Variants in CCDC122 observed in about 807,000 individuals in gnomAD.
The protein encoded by CCDC122 is coiled-coil domain-containing protein 122.
CCDC122 carries 38 observed loss-of-function variants against 37.0 expected under a neutral mutation model. The ratio of observed to expected loss-of-function variants is 1.03; its 90% confidence interval spans 0.79 to 1.35. The LOEUF (loss-of-function observed/expected upper bound fraction) is 1.35. CCDC122 is among the 40% of genes most tolerant of loss of function. The pLI is 0.00. For missense variants in CCDC122, 305 were observed against 310.0 expected (o/e 0.98, Z 0.12); for synonymous variants, 83 against 95.6 (o/e 0.87, Z 0.77).
At chr13:43,823,793 G>A (rs1216871363), downstream of CCDC122, 2 of 152,382 alleles carry the variant, frequency 1.3e-5, no homozygotes, top group Non-Finnish European at 2.9e-5. Context: ...TTCTCTCTCT[G>A]AGCCCCCAGT....
chr13:43,876,484 C>T (rs1045014612), intron 1 of CCDC122, among the ~76,000 whole-genome samples: 8 of 151,942 alleles, frequency 5.3e-5, no homozygotes, highest in Admixed American at 3.3e-4. Context: ...AATGGAGAGG[C>T]GCAGCAGCTT....
At chr13:43,866,102 A>T (rs181444734) in intron 4 of CCDC122, among the ~76,000 whole-genome samples, 40 of 152,322 alleles carry the variant, frequency 2.6e-4, no homozygotes, top group African/African-American at 9.1e-4. Flanking sequence ...CTCACATCCC[A>T]GGCAGGATGG....
At chr13:43,863,539 A>G (rs1369922944) in intron 4 of CCDC122, among the ~76,000 whole-genome samples, 1 of 152,206 alleles carries the variant, frequency 6.6e-6, no homozygotes, top group African/African-American at 2.4e-5. Flanking sequence ...TTAACTTTTC[A>G]AGAAAGTATA....
At chr13:43,857,275 G>A (rs1953946433) in intron 6 of CCDC122, among the ~76,000 whole-genome samples, 1 of 151,998 alleles carries the variant, frequency 6.6e-6, no homozygotes, top group Non-Finnish European at 1.5e-5. Flanking sequence ...ATCTAGAATG[G>A]AGTCTTGTTC....
Position 43,868,703 on chromosome 13 carries a change from G to A in CCDC122, c.147C>T (p.Phe49=). ...SEIEKNKKVL[F]NLKNELHELE... is the part of the protein sequence containing the mutation. ...TATATAAAGAAGTTACCTTCAAATT[G>A]AACAGAACCTTTTTGTTTTTTTCTA... Residue 49 remains phenylalanine, a synonymous_variant, in exon 4 of 7, where the codon TTC becomes TTT. Transcript: ENST00000444614. 1 of 1,543,210 alleles carries A rather than the reference G, an allele frequency of 6.5e-7. No individual in the cohort carries two copies. The highest frequency in any genetic ancestry group is 1.4e-5 in the African/African-American group (1 of 72,538).
chr13:43,822,235 G>A (rs925426994), downstream of CCDC122, among the ~76,000 whole-genome samples: 4 of 152,184 alleles, frequency 2.6e-5, no homozygotes, highest in Non-Finnish European at 4.4e-5. Flanking sequence ...TCTTGCATAC[G>A]ATCTGGAAGA....
chr13:43,872,177 A>G (rs925353720), intron 2 of CCDC122, among the ~76,000 whole-genome samples: 4 of 151,910 alleles, frequency 2.6e-5, no homozygotes, highest in African/African-American at 9.7e-5. Context: ...TAACCCCGCA[A>G]GACTTCCAAT....
downstream of CCDC122, among the ~76,000 whole-genome samples, chr13:43,822,085 C>T (rs1254890184): frequency 1.3e-5 from 2 of 152,136 alleles, no homozygotes; most frequent in Non-Finnish European, 2.9e-5. Context: ...AAGAGTTAGG[C>T]ATTTATTGTT....
intron 6 of CCDC122, among the ~76,000 whole-genome samples, chr13:43,844,907 T>C (rs930138253): frequency 1.3e-5 from 2 of 152,174 alleles, no homozygotes; most frequent in African/African-American, 4.8e-5. Flanking sequence ...TTGATTTATT[T>C]TATTCAGTCT....
chr13:43,857,183 G>A (rs1211322167), intron 6 of CCDC122, among the ~76,000 whole-genome samples: 1 of 151,738 alleles, frequency 6.6e-6, no homozygotes, highest in Non-Finnish European at 1.5e-5. Flanking sequence ...TCAGAAAAAT[G>A]GTCTTTTTAT....
At chr13:43,873,773 C>T (rs1182734208) in intron 2 of CCDC122, among the ~76,000 whole-genome samples, 1 of 152,166 alleles carries the variant, frequency 6.6e-6, no homozygotes, top group African/African-American at 2.4e-5. Context: ...AGAAGCCTTC[C>T]CTGATAACTC....
chr13:43,871,758 C>CT (rs1954459788), intron 2 of CCDC122, among the ~76,000 whole-genome samples: 1 of 152,148 alleles, frequency 6.6e-6, no homozygotes, highest in African/African-American at 2.4e-5. Flanking sequence ...GCCACTAAGT[C>CT]TGGAGATGAA....
At chr13:43,872,240 C>A (rs1256200812) in intron 2 of CCDC122, among the ~76,000 whole-genome samples, 1 of 151,996 alleles carries the variant, frequency 6.6e-6, no homozygotes, top group Non-Finnish European at 1.5e-5. Context: ...GTATTCTTCC[C>A]TCCTTACTTG....
At chr13:43,840,747 T>C (rs1594818802) in intron 6 of CCDC122, among the ~76,000 whole-genome samples, 1 of 149,866 alleles carries the variant, frequency 6.7e-6, no homozygotes. Flanking sequence ...TATTCCATGG[T>C]GTATATGTGC....
chr13:43,857,774 G>A (rs9533658), intron 6 of CCDC122, among the ~76,000 whole-genome samples: 12,563 of 151,960 alleles, frequency 0.083, 596 homozygotes, highest in African/African-American at 0.1. Context: ...ATTGTGGTAC[G>A]TGCCTGTAAT....
Position 43,837,220 on chromosome 13 carries a change from ATG to A in CCDC122, c.*58_*59del. The A allele has an allele frequency of 1.3e-6, 2 of 1,490,248 alleles. No individual in the cohort carries two copies. The highest frequency in any genetic ancestry group is 4.6e-5 in the East Asian group (2 of 43,616). 92.3% of individuals were successfully genotyped at this position (1,490,248 alleles called of 1,614,324 possible). On this transcript the variant is annotated 3_prime_UTR_variant, in exon 7 of 7. Transcript: ENST00000444614. ...ATTAAGAATCCAAAAGATTTTCTTAATGTTCTGTCCAGTAATTTTTGTTGTCA... is the reference window on the plus strand; with the variant it reads ...ATTAAGAATCCAAAAGATTTTCTTAATTCTGTCCAGTAATTTTTGTTGTCA...
intron 1 of CCDC122, among the ~76,000 whole-genome samples, chr13:43,877,508 G>A (rs1954656443): frequency 6.6e-6 from 1 of 151,982 alleles, no homozygotes; most frequent in African/African-American, 2.4e-5. Context: ...CTTGGCTAGG[G>A]GCCCAGACTA....
chr13:43,839,356 T>A (rs550668902), intron 6 of CCDC122, among the ~76,000 whole-genome samples: 1 of 152,380 alleles, frequency 6.6e-6, no homozygotes, highest in South Asian at 2.1e-4. Context: ...GGTGGTCTTT[T>A]GTGACTGGCT....
intron 6 of CCDC122, among the ~76,000 whole-genome samples, chr13:43,838,475 C>T (rs1421286331): frequency 6.6e-6 from 1 of 152,126 alleles, no homozygotes; most frequent in Non-Finnish European, 1.5e-5. Context: ...CAAGAACACC[C>T]AATCTTCTTA....
Sources: allele counts gnomAD v4.1 joint callset (sites outside exome capture counted in the v4.1 genomes callset), GRCh38; gene constraint gnomAD v4.1.1; transcripts MANE v1.5; gene names NCBI Gene and HGNC (gene_info 2026-07-23, HGNC 2026-07-21).